CACNA1G: variants seen among roughly 807,000 people sequenced by gnomAD.
CACNA1G encodes calcium voltage-gated channel subunit alpha1 G.
CACNA1G carries 67 observed loss-of-function variants against 219.4 expected under a neutral mutation model. That is an observed-to-expected ratio of 0.31 (90% CI 0.25 to 0.37). The LOEUF is 0.37. CACNA1G is among the 10% of genes least tolerant of loss of function. CACNA1G has a pLI of 1.00. For synonymous variants in CACNA1G, 1,296 were observed against 1,345.3 expected (o/e 0.96, Z 0.80); for missense variants, 2,380 against 3,231.4 (o/e 0.74, Z 6.39).
rs1404849283 is a variant in CACNA1G at position 50,600,628 on chromosome 17, G to A, written c.3691-98G>A. 1.6e-5 allele frequency: 16 copies of A among 979,272 alleles called. No individual in the cohort carries two copies. Among genetic ancestry groups the A allele is most frequent in the Non-Finnish European group, 2.6e-5 (16 of 619,804 alleles). 60.7% of individuals were successfully genotyped at this position (979,272 alleles called of 1,614,324 possible). ...CAGAGCTTGGGCCCCAGGTGGGAGA[G>A]GGTAGACAAGGAGTGAGGCTCGTGA... On this transcript the variant is annotated intron_variant, in intron 17 of 37. Coordinates refer to ENST00000359106, the MANE Select transcript of CACNA1G (RefSeq NM_018896.5). The surrounding 1 kb of genome is among the most constrained non-coding windows in gnomAD (Gnocchi z 4.1).
At chr17:50,569,897 A>G in intron 4 of CACNA1G, 94 bp downstream of exon 4, 2 of 926,866 alleles carry the variant, frequency 2.2e-6, no homozygotes, top group Non-Finnish European at 3.3e-6. Flanking sequence ...TCCTCACCTG[A>G]CCCCTCACAG....
At chr17:50,613,298 T>G (rs989678134) in intron 26 of CACNA1G, among the ~76,000 whole-genome samples, 7 of 152,204 alleles carry the variant, frequency 4.6e-5, no homozygotes, top group Non-Finnish European at 7.3e-5. Flanking sequence ...TAATGGGGGA[T>G]TTCTGGCAGC....
rs758431822 is a variant in CACNA1G, at chr17:50,590,564, C to G, written c.2395C>G (p.Pro799Ala). ...EMLLKLLVYGPFGYIKNPYNI... is the reference protein window; with the variant it reads ...EMLLKLLVYGAFGYIKNPYNI... ...GCTGCTGAAGCTGCTTGTGTATGGT[C>G]CCTTTGGCTACATCAAGAATCCCTA... The change falls in exon 10 of 38, where the codon CCC (proline) becomes GCC (alanine). Residue 799 changes from proline (P) to alanine (A), a missense_variant. Pro to Ala is a conservative substitution (Grantham distance 27, BLOSUM62 -1). Coordinates refer to ENST00000359106, the MANE Select transcript of CACNA1G (RefSeq NM_018896.5). 1 of 1,613,806 alleles carries G rather than the reference C, an allele frequency of 6.2e-7. No individual in the cohort carries two copies.
At chr17:50,611,269 AAAG>A (rs1476489142) in intron 26 of CACNA1G, among the ~76,000 whole-genome samples, 5 of 150,758 alleles carry the variant, frequency 3.3e-5, no homozygotes, top group East Asian at 2.0e-4. Flanking sequence ...AAAAAAAAAA[AAAG>A]AGAGAGAGAG....
In CACNA1G at chr17:50,568,867, T is replaced by C. The variant is rs770465443; in HGVS notation, c.243-3T>C. On this transcript the variant is annotated splice_polypyrimidine_tract_variant and splice_region_variant and intron_variant, in intron 1 of 37. Coordinates refer to ENST00000359106, the MANE Select transcript of CACNA1G (RefSeq NM_018896.5). ...GGCCAGCTGTTTCCTTGACTGCCAG[T>C]ACCTGGTTTGAGCGCATCAGCATGT... is the stretch of plus-strand genomic sequence containing the variant. 3 of 1,612,972 alleles carry C rather than the reference T, an allele frequency of 1.9e-6. No individual in the cohort carries two copies. The highest frequency in any genetic ancestry group is 3.3e-5 in the Admixed American group (2 of 60,026).
intron 27 of CACNA1G, among the ~76,000 whole-genome samples, chr17:50,615,953 T>C (rs2050472009): frequency 6.6e-6 from 1 of 152,194 alleles, no homozygotes; most frequent in Admixed American, 6.5e-5. Flanking sequence ...GTCCATCCAA[T>C]GAGGGGGTTG....
chr17:50,605,769 T>C, intron 22 of CACNA1G, 129 bp from the exon 23 acceptor site: 1 of 914,266 alleles, frequency 1.1e-6, no homozygotes, highest in East Asian at 2.6e-5. Flanking sequence ...CTGACTTGAC[T>C]GGCCCCAGAG....
At chr17:50,590,391 C>T (rs1367277562) in intron 9 of CACNA1G, 80 bp from the exon 10 acceptor site, 61 of 1,483,800 alleles carry the variant, frequency 4.1e-5, no homozygotes, top group Non-Finnish European at 5.2e-5. Context: ...TCCTCCTCTC[C>T]CTGGTGTCCC....
chr17:50,561,804 T>G, intron 1 of CACNA1G, 103 bp downstream of exon 1: 1 of 344,420 alleles, frequency 2.9e-6, no homozygotes, highest in African/African-American at 4.7e-5. Flanking sequence ...TGAGTCGAAG[T>G]GAGCCCGGAG....
chr17:50,591,492 C>T lies in CACNA1G; in HGVS notation c.2511C>T (p.Arg837=), dbSNP rs1473188233. Reference sequence around the variant, plus strand: ...GCCTGTCGGTGCTGCGGACCTTCCGCCTGATGCGTGTGCTGAAGCTGGTGC... The same window carrying T: ...GCCTGTCGGTGCTGCGGACCTTCCGTCTGATGCGTGTGCTGAAGCTGGTGC... ...GGGLSVLRTF[R]LMRVLKLVRF... The change falls in exon 11 of 38, where the codon CGC becomes CGT. Residue 837 remains arginine (R), a synonymous_variant. Transcript: ENST00000359106. The T allele has an allele frequency of 1.2e-6, 2 of 1,607,300 alleles. No individual in the cohort carries two copies. Among genetic ancestry groups the T allele is most frequent in the African/African-American group, 1.3e-5 (1 of 74,952 alleles).
Position 50,618,175 on chromosome 17 carries a change from G to A in CACNA1G, c.5306-47G>A. 1 of 1,612,906 alleles carries A rather than the reference G, an allele frequency of 6.2e-7. No individual in the cohort carries two copies. Among genetic ancestry groups the A allele is most frequent in the Non-Finnish European group, 8.5e-7 (1 of 1,179,140 alleles). On this transcript the variant is annotated intron_variant, in intron 31 of 37. Coordinates refer to ENST00000359106, the MANE Select transcript of CACNA1G (RefSeq NM_018896.5). This position sits in a 1 kb window ranked among gnomAD's most constrained non-coding sequence, Gnocchi z 5.3. ...GAGGAGCCAGGGCTGGAGACCAGGG[G>A]GCTCCTGGACTAACATGGGCCTCTC...
chr17:50,599,512 C>T lies in CACNA1G; in HGVS notation c.3343C>T (p.Arg1115Cys), dbSNP rs762167717. The change falls in exon 17 of 38, where the codon CGT becomes TGT. Residue 1115 changes from arginine to cysteine, a missense_variant. This residue lies in a region of CACNA1G where 418 missense variants were observed against 434.3 expected (regional missense o/e 0.96). Coordinates refer to ENST00000359106, the MANE Select transcript of CACNA1G (RefSeq NM_018896.5). ...GCGCTCCAGCCGGAACAGCCTCGGC[C>T]GTGCACCCAGCCTGAAGCGGAGAAG... is the stretch of plus-strand genomic sequence containing the variant. ...SRRSSRNSLG[R>C]APSLKRRSPS... The T allele has an allele frequency of 9.9e-6, 16 of 1,608,654 alleles. No homozygotes were observed. Among genetic ancestry groups the T allele is most frequent in the Non-Finnish European group, 5.1e-6 (6 of 1,177,888 alleles).
intron 26 of CACNA1G, among the ~76,000 whole-genome samples, chr17:50,613,989 C>T (rs1487139270): frequency 6.6e-6 from 1 of 152,220 alleles, no homozygotes; most frequent in Non-Finnish European, 1.5e-5. Flanking sequence ...TCATGCATGC[C>T]TAAGGCGCAG....
intron 1 of CACNA1G, among the ~76,000 whole-genome samples, chr17:50,566,948 A>G (rs1286026072): frequency 2.6e-5 from 4 of 152,196 alleles, no homozygotes; most frequent in African/African-American, 9.7e-5. Flanking sequence ...TACTGCCTCC[A>G]CACAGAGACA....
At chr17:50,588,110 T>C (rs1340973076) in intron 9 of CACNA1G, among the ~76,000 whole-genome samples, 12 of 152,222 alleles carry the variant, frequency 7.9e-5, no homozygotes, top group Non-Finnish European at 1.8e-4. Flanking sequence ...TTATATGCCA[T>C]GAAATTTGCC....
chr17:50,575,750 A>T lies in CACNA1G; in HGVS notation c.1348A>T (p.Arg450Trp). ...GTACATCCTTCGTAAGGCAGCCCGC[A>T]GGCTGGCTCAGGTCTCTCGGGCAGC... is the stretch of plus-strand genomic sequence containing the variant. ...LVYILRKAAR[R>W]LAQVSRAAGV... is the part of the protein sequence containing the mutation. The change falls in exon 8 of 38, where the codon AGG becomes TGG. Residue 450 changes from arginine (R) to tryptophan (W), a missense_variant. This residue lies in a region of CACNA1G where 434 missense variants were observed against 417.3 expected (regional missense o/e 1.04). Transcript: ENST00000359106. 1 of 1,569,000 alleles carries T rather than the reference A, an allele frequency of 6.4e-7. No individual in the cohort carries two copies.
rs1035306484 is a variant in CACNA1G, at chr17:50,569,898, C to T, written c.586+95C>T. The T allele has an allele frequency of 2.1e-5, 19 of 917,474 alleles. No individual in the cohort carries two copies. In the Admixed American group the frequency reaches 3.9e-4, roughly 19 times the overall value. 56.8% of individuals were successfully genotyped at this position (917,474 alleles called of 1,614,324 possible). The stretch of plus-strand genomic sequence containing the variant: ...CCTCTACTACTGTGTCCTCACCTGA[C>T]CCCTCACAGGCCCCGTCAGAGAAGG... On this transcript the variant is annotated intron_variant, in intron 4 of 37. Coordinates refer to ENST00000359106, the MANE Select transcript of CACNA1G (RefSeq NM_018896.5).
intron 33 of CACNA1G, among the ~76,000 whole-genome samples, chr17:50,619,389 C>T (rs1333789318): frequency 1.3e-5 from 2 of 152,158 alleles, no homozygotes; most frequent in Admixed American, 6.5e-5. Context: ...ATCTCTCCAT[C>T]CTTTTATCTT....
chr17:50,568,080 G>A (rs2038407654), intron 1 of CACNA1G, among the ~76,000 whole-genome samples: 1 of 152,180 alleles, frequency 6.6e-6, no homozygotes, highest in Non-Finnish European at 1.5e-5. Context: ...GGTCATTTGA[G>A]GGTGTTGAGA....
Sources: allele counts gnomAD v4.1 joint callset (sites outside exome capture counted in the v4.1 genomes callset), GRCh38; gene constraint gnomAD v4.1.1; regional missense constraint gnomAD v4.1.1; non-coding constraint Gnocchi (gnomAD v3.1); transcripts MANE v1.5; gene names NCBI Gene and HGNC (gene_info 2026-07-23, HGNC 2026-07-21).